MACROH2A1: variants seen among roughly 807,000 people sequenced by gnomAD.
The protein encoded by MACROH2A1 is macroH2A.1 histone, also known as core histone macro-H2A.1.
Under a neutral mutation model 31.6 loss-of-function variants are expected in MACROH2A1, and 2 were observed. That is an observed-to-expected ratio of 0.06 (90% CI 0.03 to 0.20). MACROH2A1 has a LOEUF of 0.20. Ranked by LOEUF, MACROH2A1 falls within the 10% of genes least tolerant of loss-of-function variation. MACROH2A1 has a pLI of 1.00. For synonymous variants in MACROH2A1, 169 were observed against 189.6 expected, an observed-to-expected ratio of 0.89 and a Z score of 0.89; for missense variants, 230 against 474.0, an observed-to-expected ratio of 0.49 and a Z score of 4.78.
chr5:135,386,995 C>T (rs1167532635), intron 2 of MACROH2A1, among the ~76,000 whole-genome samples: 1 of 152,186 alleles, frequency 6.6e-6, no homozygotes, highest in Non-Finnish European at 1.5e-5. Context: ...TCACAGCAGC[C>T]TGGAGTTGGA....
At chr5:135,375,537 C>G (rs1195877976) in intron 2 of MACROH2A1, among the ~76,000 whole-genome samples, 1 of 152,146 alleles carries the variant, frequency 6.6e-6, no homozygotes, top group African/African-American at 2.4e-5. Flanking sequence ...CTTCCTTCAG[C>G]AAGATGAAGT....
intron 2 of MACROH2A1, among the ~76,000 whole-genome samples, chr5:135,372,166 G>A (rs969576896): frequency 1.3e-5 from 2 of 152,150 alleles, no homozygotes; most frequent in South Asian, 2.1e-4. Context: ...TTGGCAGGAG[G>A]GACCCAAGGC....
intron 7 of MACROH2A1, 104 bp downstream of exon 7, chr5:135,345,864 G>A (rs1188607111): frequency 1.3e-6 from 1 of 762,508 alleles, no homozygotes; most frequent in African/African-American, 1.7e-5. Flanking sequence ...TGAAGATGCG[G>A]CTGTGCTGCC....
At chr5:135,377,879 C>A (rs902011063) in intron 2 of MACROH2A1, among the ~76,000 whole-genome samples, 2 of 152,100 alleles carry the variant, frequency 1.3e-5, no homozygotes, top group Non-Finnish European at 2.9e-5. Context: ...TCTGAGCATG[C>A]GAAGACTTTC....
chr5:135,361,502 A>C (rs1295810758), intron 4 of MACROH2A1: 1 of 152,228 alleles, frequency 6.6e-6, no homozygotes, highest in Non-Finnish European at 1.5e-5. Context: ...ACTTTGGCTA[A>C]TTTGGAGATT....
intron 2 of MACROH2A1, among the ~76,000 whole-genome samples, chr5:135,372,489 C>T (rs541219076): frequency 9.2e-5 from 14 of 152,364 alleles, no homozygotes; most frequent in Admixed American, 8.5e-4. Flanking sequence ...GCTTCCCTAT[C>T]ATTGATCGTG....
intron 2 of MACROH2A1, among the ~76,000 whole-genome samples, chr5:135,379,878 AG>A (rs1351393981): frequency 6.6e-6 from 1 of 152,008 alleles, no homozygotes; most frequent in Admixed American, 6.5e-5. Context: ...CTGCTTTTCA[AG>A]GTATTGCCGA....
intron 1 of MACROH2A1, among the ~76,000 whole-genome samples, chr5:135,397,150 C>T (rs1768122417): frequency 6.6e-6 from 1 of 152,110 alleles, no homozygotes. Context: ...TCAGTTTATG[C>T]TTTTATTTAA....
At chr5:135,336,370 G>A (rs1019413512) in intron 8 of MACROH2A1, among the ~76,000 whole-genome samples, 2 of 152,236 alleles carry the variant, frequency 1.3e-5, no homozygotes, top group African/African-American at 4.8e-5. Flanking sequence ...CACCCGGCTG[G>A]TGGAGACTTA....
chr5:135,353,378 A>AT (rs1761811441), intron 5 of MACROH2A1: 1 of 294,182 alleles, frequency 3.4e-6, no homozygotes, highest in Non-Finnish European at 6.5e-6. Flanking sequence ...AGGACCTAGA[A>AT]TGAGTACTCA....
At chr5:135,360,823 TA>T (rs750672492) in intron 4 of MACROH2A1, 63 of 667,544 alleles carry the variant, frequency 9.4e-5, no homozygotes, top group Admixed American at 8.6e-5. Flanking sequence ...TTTATGATCG[TA>T]AAAAAAAACC....
chr5:135,349,132 G>A (rs773359567), intron 6 of MACROH2A1, among the ~76,000 whole-genome samples: 1 of 152,116 alleles, frequency 6.6e-6, no homozygotes, highest in Non-Finnish European at 1.5e-5. Context: ...CAGCAGGCAG[G>A]CCAACTTTCT....
chr5:135,374,328 G>A (rs1764578157), intron 2 of MACROH2A1, among the ~76,000 whole-genome samples: 1 of 152,200 alleles, frequency 6.6e-6, no homozygotes. Flanking sequence ...GGGGAGCGGA[G>A]AGGGTGACTG....
chr5:135,338,872 T>C (rs1016372882), intron 8 of MACROH2A1, among the ~76,000 whole-genome samples: 4 of 152,178 alleles, frequency 2.6e-5, no homozygotes, highest in Non-Finnish European at 5.9e-5. Context: ...CCCAGCTGCT[T>C]TGGGCCAGGG....
At chr5:135,366,527 C>G (rs1416518514) in intron 4 of MACROH2A1, among the ~76,000 whole-genome samples, 2 of 151,812 alleles carry the variant, frequency 1.3e-5, no homozygotes, top group Non-Finnish European at 2.9e-5. Context: ...CCAGAGCCTG[C>G]ACCCCTAATC....
chr5:135,387,444 G>A (rs1362577442), intron 2 of MACROH2A1, among the ~76,000 whole-genome samples: 2 of 152,218 alleles, frequency 1.3e-5, no homozygotes, highest in East Asian at 3.9e-4. Context: ...GAGAGAGCAG[G>A]GAGTGCAGGA....
At position 135,386,372 on chromosome 5, in the gene MACROH2A1, T is replaced by C. The variant is rs182731200; in HGVS notation, c.172+2550A>G. Among the ~76,000 whole-genome samples the C allele has an allele frequency of 2.2e-3, 341 of 152,346 alleles. 3 individuals carry two copies. The highest frequency in any genetic ancestry group is 2.5e-3 in the Non-Finnish European group (169 of 68,034). ...TCCATGTTAGGGGCAGGCATGGTCA[T>C]GCCAATGACTCAGTGCCGCATGCAG... On this transcript the variant is annotated intron_variant, in intron 2 of 8. Transcript: ENST00000511689.
chr5:135,349,260 GA>G (rs1377656192), intron 6 of MACROH2A1, among the ~76,000 whole-genome samples: 1 of 152,160 alleles, frequency 6.6e-6, no homozygotes, highest in African/African-American at 2.4e-5. Flanking sequence ...CTATGACAAA[GA>G]CAAGCCCTTA....
At chr5:135,348,861 T>C (rs1255729491) in intron 6 of MACROH2A1, among the ~76,000 whole-genome samples, 1 of 152,168 alleles carries the variant, frequency 6.6e-6, no homozygotes, top group Non-Finnish European at 1.5e-5. Context: ...TGGGCCCAGA[T>C]TGCTCCTGTG....
Sources: gnomAD v4.1 joint callset for allele counts (sites outside exome capture counted in the v4.1 genomes callset) on GRCh38, gnomAD v4.1.1 for gene constraint, MANE v1.5 for transcripts, NCBI Gene and HGNC (gene_info 2026-07-23, HGNC 2026-07-21) for gene names.